The following EBF2 variants were observed in gnomAD, a reference collection of about 807,000 sequenced individuals.
The protein encoded by EBF2 is transcription factor COE2.
A neutral mutation model predicts 72.8 loss-of-function variants in EBF2; 21 were observed. That is an observed-to-expected ratio of 0.29 (90% CI 0.20 to 0.42). EBF2 has a LOEUF of 0.42. Among genes scored for constraint, EBF2 ranks in the 10% least tolerant of loss-of-function variants. EBF2 has a pLI of 1.00. For missense variants in EBF2, 637 were observed against 731.2 expected, an observed-to-expected ratio of 0.87 and a Z score of 1.49; for synonymous variants, 299 against 274.2, an observed-to-expected ratio of 1.09 and a Z score of -0.89.
chr8:25,874,177 A>G (rs1037291126), intron 10 of EBF2, among the ~76,000 whole-genome samples: 16 of 150,938 alleles, frequency 1.1e-4, no homozygotes, highest in African/African-American at 1.7e-4. Context: ...CTATATGGGG[A>G]AAAAAAATGC....
At chr8:25,869,702 C>A (rs1802398400) in intron 10 of EBF2, among the ~76,000 whole-genome samples, 1 of 152,052 alleles carries the variant, frequency 6.6e-6, no homozygotes, top group Non-Finnish European at 1.5e-5. Flanking sequence ...ATAATGTCAG[C>A]AATTTGGGAA....
At chr8:25,895,492 A>G (rs1802851352) in intron 7 of EBF2, among the ~76,000 whole-genome samples, 1 of 152,246 alleles carries the variant, frequency 6.6e-6, no homozygotes, top group South Asian at 2.1e-4. Flanking sequence ...AGAAATAGAA[A>G]CATGAATAAA....
intron 10 of EBF2, among the ~76,000 whole-genome samples, chr8:25,872,454 G>A (rs977932858): frequency 6.6e-5 from 10 of 152,108 alleles, no homozygotes; most frequent in African/African-American, 2.4e-4. Context: ...ATGGTCATCA[G>A]GAGGCCAATA....
In EBF2 at chr8:26,033,056, A is replaced by C. The variant is rs1304302806; in HGVS notation, c.551+29T>G. 2.5e-6 allele frequency: 4 copies of C among 1,605,542 alleles called. No individual in the cohort carries two copies. The Admixed American group carries it at 5.0e-5, about 20-fold the overall frequency. ...GGTTCATGAAGAAAAGGAACCAAAA[A>C]TGATTGAAAAATCACTTTTTCCCCC... On this transcript the variant is annotated intron_variant, in intron 6 of 15. Transcript: ENST00000520164.
chr8:25,914,883 G>T (rs764297111), intron 6 of EBF2, among the ~76,000 whole-genome samples: 1 of 152,076 alleles, frequency 6.6e-6, no homozygotes, highest in Non-Finnish European at 1.5e-5. Context: ...TTACCATTAA[G>T]GCTTGTTCAC....
chr8:25,846,144 C>T (rs1801828400), intron 15 of EBF2, among the ~76,000 whole-genome samples: 1 of 152,162 alleles, frequency 6.6e-6, no homozygotes, highest in African/African-American at 2.4e-5. Context: ...TGTAACTTTT[C>T]AATAAAGGCG....
intron 6 of EBF2, among the ~76,000 whole-genome samples, chr8:25,998,847 A>G (rs1177740638): frequency 6.6e-6 from 1 of 152,222 alleles, no homozygotes; most frequent in African/African-American, 2.4e-5. Flanking sequence ...ATATCTCGTT[A>G]CAAGAGCACA....
rs747622330 is a variant in EBF2, at chr8:25,850,741, C to T, written c.1549G>A (p.Val517Ile). 188 of 1,560,250 alleles carry T rather than the reference C, an allele frequency of 1.2e-4. No homozygotes were observed. In the Admixed American group the frequency reaches 1.2e-3, roughly 10 times the overall value. Residue 517 changes from valine (V) to isoleucine (I), a missense_variant, in exon 15 of 16, where the codon GTT becomes ATT. Val to Ile is a conservative substitution (Grantham distance 29). Coordinates refer to ENST00000520164, the MANE Select transcript of EBF2 (RefSeq NM_022659.4). ...ATGGAGGATGTGCTGGAAGACCCAA[C>T]GGTGGGACTTGATGACATGACTGGA... ...PYGIMSSSPT[V>I]GSSSTSSILP...
intron 15 of EBF2, among the ~76,000 whole-genome samples, chr8:25,849,774 T>G (rs1801921828): frequency 1.3e-5 from 2 of 152,228 alleles, no homozygotes; most frequent in Non-Finnish European, 1.5e-5. Flanking sequence ...ACTTTTGTTC[T>G]TAGAAACTAT....
intron 6 of EBF2, among the ~76,000 whole-genome samples, chr8:25,995,593 C>A (rs1804612026): frequency 6.6e-6 from 1 of 152,018 alleles, no homozygotes; most frequent in Admixed American, 6.5e-5. Context: ...TGAAAAATCA[C>A]TGAAGTGCAC....
Position 25,842,122 on chromosome 8 carries a change from A to C in EBF2, c.*2487T>G, listed in dbSNP as rs1801754415. On this transcript the variant is annotated 3_prime_UTR_variant, in exon 16 of 16. Coordinates refer to ENST00000520164, the MANE Select transcript of EBF2 (RefSeq NM_022659.4). Reference sequence around the variant, plus strand: ...AGCTCCTCTTACAAACACAGGATAGAGTTTGTAGTTACCAATAGAAATACT... The same window carrying C: ...AGCTCCTCTTACAAACACAGGATAGCGTTTGTAGTTACCAATAGAAATACT... 6.6e-6 allele frequency: 1 copy of C among 152,220 alleles called. No individual in the cohort carries two copies. Among genetic ancestry groups the C allele is most frequent in the Admixed American group, 6.6e-5 (1 of 15,264 alleles). The allele number at this position is 152,220 out of a possible 1,614,324, so 9.4% of individuals were successfully genotyped here.
intron 6 of EBF2, among the ~76,000 whole-genome samples, chr8:25,978,013 G>A (rs1355514105): frequency 1.3e-5 from 2 of 152,086 alleles, no homozygotes; most frequent in Non-Finnish European, 2.9e-5. Context: ...CTTTGAAGAG[G>A]GAGATAGCAC....
At chr8:25,872,546 G>T (rs7839950) in intron 10 of EBF2, among the ~76,000 whole-genome samples, 48,805 of 151,846 alleles carry the variant, frequency 0.32, 8,130 homozygotes, top group Middle Eastern at 0.4. Context: ...CATCAGATGT[G>T]CACACAGCCC....
At chr8:26,040,418 C>T (rs1477471889) in intron 4 of EBF2, among the ~76,000 whole-genome samples, 198 bp downstream of exon 4, 9 of 150,032 alleles carry the variant, frequency 6.0e-5, no homozygotes, top group Non-Finnish European at 3.0e-5. Flanking sequence ...CCAGACAAAA[C>T]AGGTCACTTG....
intron 2 of EBF2, among the ~76,000 whole-genome samples, chr8:26,041,672 G>A (rs1246112670): frequency 6.6e-6 from 1 of 152,222 alleles, no homozygotes; most frequent in Non-Finnish European, 1.5e-5. Flanking sequence ...GAGAAGACAC[G>A]GCCAGAAGGC....
chr8:25,964,094 C>G (rs1348399941), intron 6 of EBF2, among the ~76,000 whole-genome samples: 1 of 152,142 alleles, frequency 6.6e-6, no homozygotes. Flanking sequence ...AAAACACACA[C>G]AGGCATACCC....
chr8:25,878,083 A>T lies in EBF2; in HGVS notation c.1009+8672T>A, dbSNP rs916038115. Among the ~76,000 whole-genome samples the T allele has an allele frequency of 3.3e-5, 5 of 152,150 alleles. No homozygotes were observed. The East Asian group carries it at 9.7e-4, about 29-fold the overall frequency. ...GGTCAGTGACCGGATGAAAGTACAC[A>T]CAAGCAGTGGACCACACGGCCAGCC... is the stretch of plus-strand genomic sequence containing the variant. On this transcript the variant is annotated intron_variant, in intron 10 of 15. Transcript: ENST00000520164.
chr8:25,898,032 G>T lies in EBF2; in HGVS notation c.634-8163C>A, dbSNP rs146236559. ...AGGCGCTCTGCTACATGCAATGGAA[G>T]TTTATAGGAAACATTGTCGCAGCCT... On this transcript the variant is annotated intron_variant, in intron 7 of 15. Coordinates refer to ENST00000520164, the MANE Select transcript of EBF2 (RefSeq NM_022659.4). Among the ~76,000 whole-genome samples, 601 of 152,292 alleles carry T rather than the reference G, an allele frequency of 3.9e-3. 5 individuals are homozygous for T. The highest frequency in any genetic ancestry group is 0.014 in the African/African-American group (565 of 41,564).
At chr8:25,887,181 A>T (rs1802704639) in intron 9 of EBF2, among the ~76,000 whole-genome samples, 1 of 150,662 alleles carries the variant, frequency 6.6e-6, no homozygotes, top group Non-Finnish European at 1.5e-5. Context: ...TTTCCTCTCA[A>T]CTCAACCAAT....
Sources: allele counts gnomAD v4.1 joint callset (sites outside exome capture counted in the v4.1 genomes callset), GRCh38; gene constraint gnomAD v4.1.1; transcripts MANE v1.5; gene names NCBI Gene and HGNC (gene_info 2026-07-23, HGNC 2026-07-21).